Variants in NRG1 observed in about 807,000 individuals in gnomAD.
The protein encoded by NRG1 is pro-neuregulin-1, membrane-bound isoform.
In NRG1, 18 loss-of-function variants were observed where a neutral mutation model predicts 63.8. The observed-to-expected ratio is 0.28, with a 90% CI of 0.19 to 0.42. NRG1 has a LOEUF of 0.42. Among genes scored for constraint, NRG1 ranks in the 10% least tolerant of loss-of-function variants. NRG1 has a pLI of 1.00. For missense variants in NRG1, 762 were observed against 814.7 expected (o/e 0.94, Z 0.79); for synonymous variants, 302 against 301.3 (o/e 1.00, Z -0.02).
intron 1 of NRG1, among the ~76,000 whole-genome samples, chr8:31,795,738 T>C (rs899463999): frequency 1.3e-5 from 2 of 152,208 alleles, no homozygotes; most frequent in Non-Finnish European, 2.9e-5. Flanking sequence ...GGTACAATCT[T>C]CCGTATGTTG....
Position 32,467,968 on chromosome 8 carries a change from AC to A in NRG1, c.38-127857del, listed in dbSNP as rs374161332. Among the ~76,000 whole-genome samples the A allele has an allele frequency of 2.0e-5, 3 of 152,296 alleles. No individual in the cohort carries two copies. In the East Asian group the frequency reaches 5.8e-4, roughly 29 times the overall value. ...GAAAATCCCAACGATAAACATCTGG[AC>A]CCAACACAGAAGCCTCCAGGAAGCT... On this transcript the variant is annotated intron_variant, in intron 1 of 10. Coordinates refer to the NRG1 transcript ENST00000519301.
At chr8:32,762,269 G>T (rs768288383) in intron 11 of NRG1, among the ~76,000 whole-genome samples, 1 of 151,698 alleles carries the variant, frequency 6.6e-6, no homozygotes, top group African/African-American at 2.4e-5. Context: ...TGTTTCAATC[G>T]TTTTTTGAAA....
chr8:32,581,804 G>A (rs190147350), intron 1 of NRG1, among the ~76,000 whole-genome samples: 37 of 152,232 alleles, frequency 2.4e-4, no homozygotes, highest in Middle Eastern at 3.4e-3. Flanking sequence ...TATTCAGCTC[G>A]TTTAATAATA....
chr8:32,386,608 A>G (rs1418942699), intron 1 of NRG1, among the ~76,000 whole-genome samples: 1 of 152,222 alleles, frequency 6.6e-6, no homozygotes, highest in Non-Finnish European at 1.5e-5. Context: ...CTATGTCCTC[A>G]TGTAGTTTAC....
At chr8:31,711,895 A>G (rs888814808) in intron 1 of NRG1, among the ~76,000 whole-genome samples, 15 of 152,264 alleles carry the variant, frequency 9.9e-5, no homozygotes, top group African/African-American at 3.6e-4. Context: ...CGGTAGTCCC[A>G]TGCTTAAAGG....
intron 1 of NRG1, among the ~76,000 whole-genome samples, chr8:31,737,834 C>T (rs1344031421): frequency 6.6e-6 from 1 of 152,084 alleles, no homozygotes; most frequent in Non-Finnish European, 1.5e-5. Context: ...ATTTGGAAAA[C>T]ATTGCTCGCT....
At chr8:32,434,184 C>CAAAATAAAAT (rs71208182) in intron 1 of NRG1, among the ~76,000 whole-genome samples, 19,864 of 146,222 alleles carry the variant, frequency 0.14, 1,528 homozygotes, top group Middle Eastern at 0.16. Context: ...GACTCCATCT[C>CAAAATAAAAT]AAAATAAAAT....
At chr8:32,688,277 CT>C (rs1205008488) in intron 5 of NRG1, among the ~76,000 whole-genome samples, 2 of 152,204 alleles carry the variant, frequency 1.3e-5, no homozygotes, top group Non-Finnish European at 2.9e-5. Flanking sequence ...CTTTTCATGG[CT>C]TTTCCCACGT....
chr8:31,991,002 G>C (rs969324592), intron 1 of NRG1, among the ~76,000 whole-genome samples: 1 of 152,022 alleles, frequency 6.6e-6, no homozygotes, highest in Non-Finnish European at 1.5e-5. Flanking sequence ...CTTGAAAGTT[G>C]TTACTTTAAA....
At chr8:32,582,062 A>G (rs1422107557) in intron 1 of NRG1, among the ~76,000 whole-genome samples, 1 of 39,110 alleles carries the variant, frequency 2.6e-5, no homozygotes, top group Non-Finnish European at 7.3e-5. Flanking sequence ...TAATCTAACC[A>G]TGAACTCTAT....
At chr8:32,474,298 C>T (rs1824205953) in intron 1 of NRG1, among the ~76,000 whole-genome samples, 1 of 152,182 alleles carries the variant, frequency 6.6e-6, no homozygotes, top group Non-Finnish European at 1.5e-5. Context: ...ATAAAACTGA[C>T]TATGGTAAGA....
intron 11 of NRG1, chr8:32,760,764 C>A (rs1175238475): frequency 1.9e-6 from 2 of 1,028,558 alleles, no homozygotes; most frequent in East Asian, 7.9e-5. Flanking sequence ...TTGATAAGGA[C>A]CCTTCTATAA....
intron 1 of NRG1, among the ~76,000 whole-genome samples, chr8:32,081,772 GAGAGCTTGGTGTTTAAGTCCTTAGGA>G (rs6150530): frequency 0.97 from 147,855 of 152,130 alleles, 71,995 homozygotes; most frequent in East Asian, 1. Flanking sequence ...AATAAGCAGG[GAGAGCTTGGTGTTTAAGTCCTTAGGA>G]ATGGGTCATG....
At chr8:32,071,405 C>T (rs538449926) in intron 1 of NRG1, among the ~76,000 whole-genome samples, 10 of 152,246 alleles carry the variant, frequency 6.6e-5, no homozygotes, top group African/African-American at 2.4e-4. Flanking sequence ...AAATTAGACA[C>T]GATCTTCTCA....
At chr8:32,456,920 T>C (rs575716081) in intron 1 of NRG1, among the ~76,000 whole-genome samples, 8 of 152,196 alleles carry the variant, frequency 5.3e-5, no homozygotes, top group African/African-American at 1.9e-4. Context: ...TCACCTGAGA[T>C]CATGAGTTCG....
At chr8:32,645,347 G>C (rs893161173) in intron 5 of NRG1, among the ~76,000 whole-genome samples, 3 of 152,220 alleles carry the variant, frequency 2.0e-5, no homozygotes, top group African/African-American at 7.2e-5. Flanking sequence ...ATTATAGAGA[G>C]ATGAACTCAA....
At chr8:31,852,769 C>T (rs1386138179) in intron 1 of NRG1, among the ~76,000 whole-genome samples, 3 of 152,186 alleles carry the variant, frequency 2.0e-5, no homozygotes, top group Non-Finnish European at 4.4e-5. Context: ...TTTAATCCAT[C>T]TTGGATTGAT....
chr8:31,685,366 A>T (rs191832130), intron 1 of NRG1, among the ~76,000 whole-genome samples: 2 of 152,206 alleles, frequency 1.3e-5, no homozygotes, highest in African/African-American at 4.8e-5. Context: ...TTTTATAAAA[A>T]GGAAATGAAA....
intron 1 of NRG1, among the ~76,000 whole-genome samples, chr8:32,333,558 C>T (rs1450631309): frequency 1.3e-5 from 2 of 152,086 alleles, no homozygotes; most frequent in African/African-American, 2.4e-5. Flanking sequence ...GGTCTTGAAT[C>T]GGTTCTCAAT....
Sources: allele counts gnomAD v4.1 joint callset (sites outside exome capture counted in the v4.1 genomes callset), GRCh38; gene constraint gnomAD v4.1.1; transcripts MANE v1.5; gene names NCBI Gene and HGNC (gene_info 2026-07-23, HGNC 2026-07-21).